Variants in ZNF85 observed in about 807,000 individuals in gnomAD.
ZNF85 encodes the protein zinc finger protein 85, also known as zinc finger protein 85 (HPF4, HTF1).
A neutral mutation model predicts 53.9 loss-of-function variants in ZNF85; 50 were observed. That is an observed-to-expected ratio of 0.93 (90% CI 0.74 to 1.17). ZNF85 has a LOEUF of 1.17. Among genes scored for constraint, ZNF85 ranks in the 50% most tolerant of loss-of-function variants. The pLI is 0.00. For missense variants in ZNF85, 747 were observed against 688.5 expected (o/e 1.08, Z -0.95); for synonymous variants, 225 against 226.1 (o/e 1.00, Z 0.04).
chr19:20,933,378 T>G (rs566804533), intron 1 of ZNF85, among the ~76,000 whole-genome samples: 1 of 152,120 alleles, frequency 6.6e-6, no homozygotes, highest in South Asian at 2.1e-4. Context: ...CTTAGTTTTT[T>G]TTTTTTGCAT....
At chr19:20,944,642 C>T (rs1973378820) in intron 3 of ZNF85, among the ~76,000 whole-genome samples, 2 of 147,996 alleles carry the variant, frequency 1.4e-5, no homozygotes, top group South Asian at 2.1e-4. Flanking sequence ...CTATATTATT[C>T]TATGATTTTT....
At chr19:20,926,999 A>G (rs959898716) in intron 1 of ZNF85, 2 of 152,192 alleles carry the variant, frequency 1.3e-5, no homozygotes, top group African/African-American at 2.4e-5. Context: ...GGAGTGGCAA[A>G]TGGAGTGTGA....
Position 20,938,846 on chromosome 19 carries a change from C to CTATA in ZNF85, c.229+3801_229+3804dup, listed in dbSNP as rs145129271. Among the ~76,000 whole-genome samples, 32 of 142,960 alleles carry CTATA rather than the reference C, an allele frequency of 2.2e-4. 1 individual carries two copies. Among genetic ancestry groups the CTATA allele is most frequent in the African/African-American group, 4.8e-4 (18 of 37,194 alleles). 93.8% of individuals were successfully genotyped at this position (142,960 alleles called of 152,430 possible). A position where few individuals can be genotyped will look rare whatever the true frequency, so the allele number is the denominator to read the frequency against. On this transcript the variant is annotated intron_variant, in intron 3 of 3. Coordinates refer to ENST00000328178, the MANE Select transcript of ZNF85 (RefSeq NM_003429.5). ...TATCAGAGGCTCTAACCATATTCTG[C>CTATA]TATATGTGTGTGTGTGTGTGTGTGT...
At chr19:20,941,822 C>T (rs200718712) in intron 3 of ZNF85, among the ~76,000 whole-genome samples, 1 of 141,012 alleles carries the variant, frequency 7.1e-6, no homozygotes, top group African/African-American at 2.6e-5. Flanking sequence ...ATTTTACTGT[C>T]TTTTCTTTGT....
intron 3 of ZNF85, among the ~76,000 whole-genome samples, chr19:20,937,963 G>A (rs1973198256): frequency 6.6e-6 from 1 of 152,202 alleles, no homozygotes; most frequent in African/African-American, 2.4e-5. Flanking sequence ...TTCCGAAACG[G>A]ATACTCCTCA....
intron 3 of ZNF85, chr19:20,942,854 C>T (rs1973329830): frequency 1.4e-6 from 1 of 698,356 alleles, no homozygotes; most frequent in South Asian, 1.5e-5. Flanking sequence ...TGGCCCACTG[C>T]AGCCTCAACC....
chr19:20,939,345 T>A (rs540869770), intron 3 of ZNF85, among the ~76,000 whole-genome samples: 7 of 152,250 alleles, frequency 4.6e-5, no homozygotes, highest in African/African-American at 1.7e-4. Context: ...AACCTCTGCC[T>A]CCTGGTTCAA....
At chr19:20,934,829 T>C in intron 2 of ZNF85, 120 bp from the exon 3 acceptor site, 1 of 526,206 alleles carries the variant, frequency 1.9e-6, no homozygotes, top group Non-Finnish European at 3.1e-6. Flanking sequence ...ATTTTTTAAA[T>C]ATTTGAAAAT....
chr19:20,923,539 C>G, intron 1 of ZNF85, 136 bp downstream of exon 1: 6 of 1,429,014 alleles, frequency 4.2e-6, no homozygotes, highest in Non-Finnish European at 5.8e-6. Context: ...CCAGCTCGGC[C>G]CCAGTTCCTC....
intron 3 of ZNF85, among the ~76,000 whole-genome samples, chr19:20,946,592 A>ACACACACACACCCC (rs367859040): frequency 4.0e-5 from 6 of 151,432 alleles, no homozygotes; most frequent in African/African-American, 9.7e-5. Context: ...ACACACACAC[A>ACACACACACACCCC]CCCCACAAAT....
Position 20,950,421 on chromosome 19 carries a change from T to TAA in ZNF85, c.*122_*123dup. The stretch of plus-strand genomic sequence containing the variant: ...TAATTTTGACAACACCTCAGACTTA[T>TAA]AAAAGTAATCATACTGGTGAGAAAT... On this transcript the variant is annotated 3_prime_UTR_variant, in exon 4 of 4. Coordinates refer to ENST00000328178, the MANE Select transcript of ZNF85 (RefSeq NM_003429.5). 1.9e-6 allele frequency: 1 copy of TAA among 538,988 alleles called. No individual in the cohort carries two copies. The highest frequency in any genetic ancestry group is 4.1e-5 in the South Asian group (1 of 24,156). The allele number at this position is 538,988 out of a possible 1,614,324, so 33.4% of individuals were successfully genotyped here.
Position 20,950,434 on chromosome 19 carries a change from A to G in ZNF85, c.*132A>G. ...ACCTCAGACTTATAAAAGTAATCAT[A>G]CTGGTGAGAAATTCTAAAAATGTGA... On this transcript the variant is annotated 3_prime_UTR_variant, in exon 4 of 4. Transcript: ENST00000328178. 1.6e-6 allele frequency: 1 copy of G among 624,192 alleles called. No individual in the cohort carries two copies. The allele number at this position is 624,192 out of a possible 1,614,324, so 38.7% of individuals were successfully genotyped here.
In ZNF85 at chr19:20,945,957, A is replaced by G. The variant is rs952979193; in HGVS notation, c.230-2787A>G. Among the ~76,000 whole-genome samples, 3 of 151,738 alleles carry G rather than the reference A, an allele frequency of 2.0e-5. No individual in the cohort carries two copies. The South Asian group carries it at 6.2e-4, about 31-fold the overall frequency. On this transcript the variant is annotated intron_variant, in intron 3 of 3. Coordinates refer to ENST00000328178, the MANE Select transcript of ZNF85 (RefSeq NM_003429.5). ...ATGTACTGCATTCTCTTATTAGTCT[A>G]TGTTTTCAGCTTTATACTTATACCA...
At chr19:20,942,570 T>C (rs1055940310) in intron 3 of ZNF85, among the ~76,000 whole-genome samples, 4 of 151,794 alleles carry the variant, frequency 2.6e-5, no homozygotes, top group Admixed American at 2.6e-4. Flanking sequence ...AGTTAGATTA[T>C]ATTGAATTTG....
chr19:20,925,355 G>T (rs1972855967), intron 1 of ZNF85, among the ~76,000 whole-genome samples: 1 of 151,776 alleles, frequency 6.6e-6, no homozygotes, highest in South Asian at 2.1e-4. Flanking sequence ...TACTAGGGAG[G>T]CTGAGGCAGA....
intron 1 of ZNF85, among the ~76,000 whole-genome samples, chr19:20,925,729 G>GA (rs764651509): frequency 1.1e-4 from 17 of 152,250 alleles, no homozygotes; most frequent in Non-Finnish European, 1.9e-4. Context: ...GCGGGTGGGA[G>GA]AATCTTTCAA....
Position 20,949,573 on chromosome 19 carries a change from G to T in ZNF85, c.1059G>T (p.Gln353His), listed in dbSNP as rs759989345. ...KCKKCGKAFN[Q>H]SAHLTTHEVI... ...AAAAATGTGGAAAAGCCTTTAACCA[G>T]TCTGCACACCTTACCACACATGAGG... The change falls in exon 4 of 4, where the codon CAG becomes CAT. Residue 353 changes from glutamine (Q) to histidine (H), a missense_variant. Gln to His is a conservative substitution (Grantham distance 24, BLOSUM62 0). Coordinates refer to ENST00000328178, the MANE Select transcript of ZNF85 (RefSeq NM_003429.5). 6.3e-7 allele frequency: 1 copy of T among 1,596,768 alleles called. No homozygotes were observed. Among genetic ancestry groups the T allele is most frequent in the Non-Finnish European group, 8.6e-7 (1 of 1,168,480 alleles).
chr19:20,933,818 A>G (rs1392111691), intron 1 of ZNF85, among the ~76,000 whole-genome samples: 1 of 152,198 alleles, frequency 6.6e-6, no homozygotes, highest in African/African-American at 2.4e-5. Context: ...TAAAAAATAT[A>G]TTAGAGAATA....
At chr19:20,939,644 T>G (rs10500214) in intron 3 of ZNF85, among the ~76,000 whole-genome samples, 13,862 of 152,256 alleles carry the variant, frequency 0.091, 781 homozygotes, top group Non-Finnish European at 0.12. Flanking sequence ...ATGTACACGT[T>G]AAGTCAATGT....
Sources: allele counts gnomAD v4.1 joint callset (sites outside exome capture counted in the v4.1 genomes callset), GRCh38; gene constraint gnomAD v4.1.1; transcripts MANE v1.5; gene names NCBI Gene and HGNC (gene_info 2026-07-23, HGNC 2026-07-21).